Variants in PLCZ1 observed in about 807,000 individuals in gnomAD.
The protein encoded by PLCZ1 is phospholipase C zeta 1, also known as 1-phosphatidylinositol 4,5-bisphosphate phosphodiesterase zeta-1.
In PLCZ1, 64 loss-of-function variants were observed where a neutral mutation model predicts 76.8. That is an observed-to-expected ratio of 0.83 (90% confidence interval 0.68 to 1.03). The LOEUF (loss-of-function observed/expected upper bound fraction) is 1.03, where lower values mean the gene tolerates loss of function less well. Among genes scored for constraint, PLCZ1 ranks in the 50% least tolerant of loss-of-function variants. The pLI is 0.00. For synonymous variants in PLCZ1, 248 were observed against 230.8 expected, an observed-to-expected ratio of 1.07 and a Z score of -0.68; for missense variants, 751 against 713.7, an observed-to-expected ratio of 1.05 and a Z score of -0.60.
At chr12:18,670,386 G>A in the PLCZ1 span, among the ~76,000 whole-genome samples, 2 of 152,042 alleles carry the variant, frequency 1.3e-5, no homozygotes, top group African/African-American at 2.4e-5. Flanking sequence ...CAGAGAGCTA[G>A]AACATAGATA....
intron 10 of PLCZ1, among the ~76,000 whole-genome samples, chr12:18,699,166 G>A (rs536105586): frequency 9.2e-5 from 14 of 152,286 alleles, no homozygotes; most frequent in Admixed American, 5.9e-4. Flanking sequence ...GTGCAGTGGG[G>A]CATGCACACT....
the PLCZ1 span, among the ~76,000 whole-genome samples, chr12:18,650,703 TG>T: frequency 5.4e-5 from 1 of 18,658 alleles, no homozygotes; most frequent in African/African-American, 3.7e-4. Context: ...TGTGTGTGTG[TG>T]TATATATCTA....
intron 3 of PLCZ1, among the ~76,000 whole-genome samples, chr12:18,734,412 G>A (rs550264336): frequency 5.9e-5 from 9 of 152,114 alleles, no homozygotes; most frequent in East Asian, 3.9e-4. Flanking sequence ...GTGCAGTGGC[G>A]CAATCTCAGC....
Position 18,684,174 on chromosome 12 carries a change from T to C in PLCZ1, c.1697A>G (p.Glu566Gly). The part of the protein sequence containing the change: ...VEGQGLIAGN[E>G]FLGQYTLPLL... ...TGGCAAAGTATATTGCCCAAGAAATTCATTTCCTGCTATTAAACCTTGACC... is the reference window on the plus strand; with the variant it reads ...TGGCAAAGTATATTGCCCAAGAAATCCATTTCCTGCTATTAAACCTTGACC... The change falls in exon 14 of 15, where the codon GAA (glutamate) becomes GGA (glycine). Residue 566 changes from glutamate to glycine, a missense_variant. Glu to Gly is a moderately conservative substitution (Grantham distance 98). Transcript: ENST00000266505. 1 of 1,612,226 alleles carries C rather than the reference T, an allele frequency of 6.2e-7. No individual in the cohort carries two copies. Among genetic ancestry groups the C allele is most frequent in the Non-Finnish European group, 8.5e-7 (1 of 1,178,924 alleles).
In PLCZ1 at chr12:18,688,078, C is replaced by T. The variant is rs376172536; in HGVS notation, c.1591+11G>A. 6.2e-6 allele frequency: 10 copies of T among 1,609,792 alleles called. No individual in the cohort carries two copies. In the African/African-American group the frequency reaches 1.1e-4, roughly 17 times the overall value. On this transcript the variant is annotated intron_variant, in intron 13 of 14. Transcript: ENST00000266505. ...CTAATGGAAATTCAATAAGGTATAT[C>T]AGGAGCTCACCATTTTTTTTAATTA...
At chr12:18,667,328 A>T in the PLCZ1 span, among the ~76,000 whole-genome samples, 1 of 152,196 alleles carries the variant, frequency 6.6e-6, no homozygotes, top group South Asian at 2.1e-4. Context: ...CCTCCTACCA[A>T]GAAGTTAACA....
At chr12:18,669,654 T>G in the PLCZ1 span, among the ~76,000 whole-genome samples, 1 of 149,076 alleles carries the variant, frequency 6.7e-6, no homozygotes, top group African/African-American at 2.5e-5. Context: ...AGCTCTGGTG[T>G]CTCTTCCTCT....
At chr12:18,736,978 A>G (rs1391155393) in intron 2 of PLCZ1, among the ~76,000 whole-genome samples, 1 of 152,180 alleles carries the variant, frequency 6.6e-6, no homozygotes, top group East Asian at 1.9e-4. Context: ...AAGCTTACTT[A>G]TCATAGATAA....
At chr12:18,693,122 C>T in intron 12 of PLCZ1, 1 of 1,518,198 alleles carries the variant, frequency 6.6e-7, no homozygotes, top group Non-Finnish European at 9.1e-7. Context: ...TGGAAGAGAT[C>T]ATTGATGACA....
intron 9 of PLCZ1, among the ~76,000 whole-genome samples, 170 bp from the exon 10 acceptor site, chr12:18,700,120 AT>A (rs1405589951): frequency 2.6e-5 from 4 of 152,186 alleles, no homozygotes; most frequent in Non-Finnish European, 5.9e-5. Context: ...GAACAAAAAA[AT>A]ATTTAATGTT....
the PLCZ1 span, among the ~76,000 whole-genome samples, chr12:18,662,271 T>G: frequency 6.6e-6 from 1 of 151,378 alleles, no homozygotes; most frequent in Admixed American, 6.6e-5. Flanking sequence ...AACATGCAAC[T>G]TACCTATGTA....
intron 5 of PLCZ1, 40 bp downstream of exon 5, chr12:18,719,391 G>C (rs10841078): frequency 0.55 from 661,636 of 1,211,986 alleles, 185,846 homozygotes; most frequent in South Asian, 0.61. Flanking sequence ...GAACTTCCAA[G>C]TATTTTTAAA....
At chr12:18,719,712 C>T (rs768546412) in intron 4 of PLCZ1, 80 bp from the exon 5 acceptor site, 106 of 953,488 alleles carry the variant, frequency 1.1e-4, no homozygotes, top group Non-Finnish European at 1.6e-4. Flanking sequence ...CACTTGTAAA[C>T]TTACTCAGTA....
the PLCZ1 span, among the ~76,000 whole-genome samples, chr12:18,651,295 C>T: frequency 1.3e-5 from 2 of 152,044 alleles, no homozygotes; most frequent in Admixed American, 6.6e-5. Flanking sequence ...CAGATGTCTC[C>T]GTCTCTGCCC....
chr12:18,705,935 G>T (rs2137323401), intron 6 of PLCZ1, among the ~76,000 whole-genome samples: 1 of 147,548 alleles, frequency 6.8e-6, no homozygotes, highest in East Asian at 2.1e-4. Context: ...GACCAATTAA[G>T]AAGAAGGCAG....
chr12:18,677,274 A>C, the PLCZ1 span, among the ~76,000 whole-genome samples: 1 of 152,142 alleles, frequency 6.6e-6, no homozygotes, highest in Non-Finnish European at 1.5e-5. Flanking sequence ...AATTGAGGAA[A>C]GATGGCGAGC....
chr12:18,687,028 T>A (rs898467273), intron 13 of PLCZ1, among the ~76,000 whole-genome samples: 1 of 152,084 alleles, frequency 6.6e-6, no homozygotes, highest in Non-Finnish European at 1.5e-5. Context: ...TAGATTATTA[T>A]AAGCTTCATG....
At chr12:18,666,648 A>G in the PLCZ1 span, among the ~76,000 whole-genome samples, 1 of 152,212 alleles carries the variant, frequency 6.6e-6, no homozygotes, top group African/African-American at 2.4e-5. Context: ...TTTCAATAGG[A>G]AAAAGTACTA....
At chr12:18,673,441 A>G in the PLCZ1 span, among the ~76,000 whole-genome samples, 6 of 152,152 alleles carry the variant, frequency 3.9e-5, no homozygotes, top group Admixed American at 2.0e-4. Context: ...TACATCCATT[A>G]TGGAATTCTA....
Sources: allele counts gnomAD v4.1 joint callset (sites outside exome capture counted in the v4.1 genomes callset), GRCh38; gene constraint gnomAD v4.1.1; transcripts MANE v1.5; gene names NCBI Gene and HGNC (gene_info 2026-07-23, HGNC 2026-07-21).